IGF2BP2: variants seen among roughly 807,000 people sequenced by gnomAD.
IGF2BP2 encodes the protein insulin-like growth factor 2 mRNA-binding protein 2.
A neutral mutation model predicts 75.8 loss-of-function variants in IGF2BP2; 17 were observed. That is an observed-to-expected ratio of 0.22 (90% CI 0.15 to 0.34). The LOEUF (loss-of-function observed/expected upper bound fraction) is 0.34. Among genes scored for constraint, IGF2BP2 ranks in the 10% least tolerant of loss-of-function variants. IGF2BP2 has a pLI of 1.00. For missense variants in IGF2BP2, 516 were observed against 772.4 expected (o/e 0.67, Z 3.93); for synonymous variants, 288 against 295.6 (o/e 0.97, Z 0.26).
intron 2 of IGF2BP2, among the ~76,000 whole-genome samples, chr3:185,820,160 CA>C (rs1195517433): frequency 1.3e-5 from 2 of 151,220 alleles, no homozygotes; most frequent in African/African-American, 4.9e-5. Flanking sequence ...GGTACAAAAG[CA>C]CATTCAAGTT....
At chr3:185,720,179 G>A (rs1218183134) in intron 2 of IGF2BP2, among the ~76,000 whole-genome samples, 1 of 152,212 alleles carries the variant, frequency 6.6e-6, no homozygotes, top group African/African-American at 2.4e-5. Flanking sequence ...CTATAAGAAA[G>A]GGCTACCAGC....
chr3:185,667,199 T>C (rs78939929), intron 10 of IGF2BP2, among the ~76,000 whole-genome samples: 6,506 of 152,290 alleles, frequency 0.043, 181 homozygotes, highest in Middle Eastern at 0.085. Flanking sequence ...TTTGGGAAAA[T>C]TGAATATCCA....
At chr3:185,710,175 T>G (rs868236740) in intron 2 of IGF2BP2, among the ~76,000 whole-genome samples, 14 of 148,178 alleles carry the variant, frequency 9.4e-5, no homozygotes, top group Admixed American at 3.4e-4. Flanking sequence ...TTTTTTTTTT[T>G]GCTAAAAGTG....
chr3:185,672,712 G>A, intron 9 of IGF2BP2, 43 bp from the exon 10 acceptor site: 2 of 1,612,202 alleles, frequency 1.2e-6, no homozygotes, highest in Non-Finnish European at 1.7e-6. Context: ...GAGGAGACCA[G>A]AGAGGCCCGC....
intron 2 of IGF2BP2, among the ~76,000 whole-genome samples, chr3:185,743,231 G>T (rs1317275937): frequency 6.6e-6 from 1 of 151,984 alleles, no homozygotes; most frequent in Non-Finnish European, 1.5e-5. Context: ...GACAAGTCAG[G>T]AGAGAGACGA....
intron 2 of IGF2BP2, among the ~76,000 whole-genome samples, chr3:185,810,483 A>G (rs1739649150): frequency 6.6e-6 from 1 of 152,226 alleles, no homozygotes; most frequent in African/African-American, 2.4e-5. Flanking sequence ...GACATTTAAC[A>G]GGCAGAATGG....
chr3:185,824,107 G>C (rs879342886), intron 1 of IGF2BP2, among the ~76,000 whole-genome samples: 1 of 152,006 alleles, frequency 6.6e-6, no homozygotes. Context: ...GCTTGAGAGA[G>C]CAAGCGAGAG....
intron 2 of IGF2BP2, among the ~76,000 whole-genome samples, chr3:185,729,054 A>G (rs1336574403): frequency 6.6e-6 from 1 of 152,162 alleles, no homozygotes; most frequent in Non-Finnish European, 1.5e-5. Context: ...TGGAGGAGGG[A>G]AAGCCAGCTT....
At chr3:185,823,102 A>T in intron 2 of IGF2BP2, 51 bp downstream of exon 2, 1 of 1,263,846 alleles carries the variant, frequency 7.9e-7, no homozygotes, top group Non-Finnish European at 1.1e-6. Flanking sequence ...TACGTTTTTT[A>T]CTTATACGTA....
chr3:185,745,283 G>C (rs1213052104), intron 2 of IGF2BP2, among the ~76,000 whole-genome samples: 1 of 152,194 alleles, frequency 6.6e-6, no homozygotes, highest in Admixed American at 6.5e-5. Context: ...AAGCTTCTCT[G>C]GTACCTGGCC....
intron 2 of IGF2BP2, among the ~76,000 whole-genome samples, chr3:185,775,222 GAGCTCAGTAA>G (rs1379925224): frequency 6.6e-6 from 1 of 152,200 alleles, no homozygotes; most frequent in African/African-American, 2.4e-5. Context: ...TGCCTTGTGA[GAGCTCAGTAA>G]ATGATGGCAG....
chr3:185,818,150 T>C (rs1740850965), intron 2 of IGF2BP2, among the ~76,000 whole-genome samples: 1 of 152,218 alleles, frequency 6.6e-6, no homozygotes, highest in Admixed American at 6.5e-5. Flanking sequence ...TTATGCAAAA[T>C]ACCATATTGC....
At chr3:185,819,864 T>G (rs1218683089) in intron 2 of IGF2BP2, among the ~76,000 whole-genome samples, 1 of 152,036 alleles carries the variant, frequency 6.6e-6, no homozygotes, top group African/African-American at 2.4e-5. Context: ...TTCTTCTTTT[T>G]GGTATTTAAT....
intron 10 of IGF2BP2, among the ~76,000 whole-genome samples, chr3:185,667,389 T>A (rs1717811359): frequency 6.6e-6 from 1 of 152,118 alleles, no homozygotes; most frequent in Non-Finnish European, 1.5e-5. Flanking sequence ...GGTGGGAGGA[T>A]TGCTTGAGCC....
chr3:185,678,904 G>A (rs897467779), intron 7 of IGF2BP2, among the ~76,000 whole-genome samples: 3 of 151,988 alleles, frequency 2.0e-5, no homozygotes, highest in Admixed American at 6.6e-5. Flanking sequence ...TAACAGTTTT[G>A]TTTTTAGTCT....
At chr3:185,780,730 A>G (rs1156451685) in intron 2 of IGF2BP2, among the ~76,000 whole-genome samples, 4 of 152,190 alleles carry the variant, frequency 2.6e-5, no homozygotes, top group Admixed American at 2.6e-4. Context: ...ACCTAAATGA[A>G]TTACTCACCA....
chr3:185,807,804 C>T (rs550966652), intron 2 of IGF2BP2, among the ~76,000 whole-genome samples: 3 of 152,334 alleles, frequency 2.0e-5, no homozygotes, highest in African/African-American at 4.8e-5. Context: ...CTAAGGCCTC[C>T]AGCCAACAAC....
At chr3:185,804,205 G>A (rs753138888) in intron 2 of IGF2BP2, among the ~76,000 whole-genome samples, 15 of 150,170 alleles carry the variant, frequency 1.0e-4, no homozygotes, top group African/African-American at 1.5e-4. Flanking sequence ...GCGGTGAGCC[G>A]AGATGGCGCC....
At chr3:185,672,832 G>A (rs1718740521) in intron 9 of IGF2BP2, among the ~76,000 whole-genome samples, 163 bp from the exon 10 acceptor site, 1 of 152,078 alleles carries the variant, frequency 6.6e-6, no homozygotes, top group Non-Finnish European at 1.5e-5. Context: ...ATCTTAACCT[G>A]ACCATGGTGT....
Sources: allele counts gnomAD v4.1 joint callset (sites outside exome capture counted in the v4.1 genomes callset), GRCh38; gene constraint gnomAD v4.1.1; transcripts MANE v1.5; gene names NCBI Gene and HGNC (gene_info 2026-07-23, HGNC 2026-07-21).